KCTD8: variants seen among roughly 807,000 people sequenced by gnomAD.
KCTD8 encodes potassium channel tetramerization domain containing 8, also known as BTB/POZ domain-containing protein KCTD8.
In KCTD8, 27 loss-of-function variants were observed where a neutral mutation model predicts 31.5. The observed-to-expected ratio is 0.86, with a 90% CI of 0.63 to 1.18. The LOEUF (loss-of-function observed/expected upper bound fraction) is 1.18. Among genes scored for constraint, KCTD8 ranks in the 50% most tolerant of loss-of-function variants. The pLI, the probability that KCTD8 is intolerant of heterozygous loss-of-function variation, is 0.00. For synonymous variants in KCTD8, 290 were observed against 280.0 expected (o/e 1.04, Z -0.36); for missense variants, 658 against 647.7 (o/e 1.02, Z -0.17).
intron 1 of KCTD8, among the ~76,000 whole-genome samples, chr4:44,389,149 G>T (rs974397729): frequency 3.3e-5 from 5 of 151,682 alleles, no homozygotes; most frequent in African/African-American, 1.2e-4. Context: ...GATGTTGTAA[G>T]GAGGTAAGGA....
rs753718961 is a variant in KCTD8 at position 44,407,389 on chromosome 4, CTTTTTTTT to C, written c.961+40166_961+40173del. Among the ~76,000 whole-genome samples the C allele has an allele frequency of 5.0e-5, 7 of 140,978 alleles. No homozygotes were observed. The Admixed American group carries it at 5.0e-4, about 10-fold the overall frequency. The allele number at this position is 140,978 out of a possible 152,430, so 92.5% of individuals were successfully genotyped here. A position where few individuals can be genotyped will look rare whatever the true frequency, so the allele number is the denominator to read the frequency against. ...ATTAATTTTTCTTTTCTCTTTTTTTCTTTTTTTTTTTTTTGGAGATACAGTTTCACTCT... is the reference window on the plus strand; with the variant it reads ...ATTAATTTTTCTTTTCTCTTTTTTTCTTTTTTGGAGATACAGTTTCACTCT... On this transcript the variant is annotated intron_variant, in intron 1 of 1. Transcript: ENST00000360029.
intron 1 of KCTD8, among the ~76,000 whole-genome samples, chr4:44,322,571 T>C (rs1310079792): frequency 6.6e-6 from 1 of 152,094 alleles, no homozygotes; most frequent in Non-Finnish European, 1.5e-5. Flanking sequence ...TGTTTTTCCT[T>C]TGCTGTGCAT....
At chr4:44,263,755 A>G (rs1011549335) in intron 1 of KCTD8, among the ~76,000 whole-genome samples, 1 of 152,204 alleles carries the variant, frequency 6.6e-6, no homozygotes, top group African/African-American at 2.4e-5. Context: ...TGAATTTGCC[A>G]CTGAGATAGG....
At chr4:44,215,671 G>C in intron 1 of KCTD8, among the ~76,000 whole-genome samples, 1 of 152,118 alleles carries the variant, frequency 6.6e-6, no homozygotes, top group Non-Finnish European at 1.5e-5. Context: ...TCTGCATTGA[G>C]AACTAGTTAT....
intron 1 of KCTD8, among the ~76,000 whole-genome samples, chr4:44,377,455 G>T (rs553369494): frequency 1.7e-4 from 26 of 152,308 alleles, no homozygotes; most frequent in African/African-American, 6.3e-4. Flanking sequence ...CAGGCTCAAG[G>T]CCATTTCTGG....
At chr4:44,435,424 G>A (rs1330928408) in intron 1 of KCTD8, among the ~76,000 whole-genome samples, 2 of 151,820 alleles carry the variant, frequency 1.3e-5, no homozygotes, top group Non-Finnish European at 2.9e-5. Context: ...TTTTATTCTA[G>A]ACTCTAATAT....
chr4:44,317,208 G>T (rs1173946477), intron 1 of KCTD8, among the ~76,000 whole-genome samples: 2 of 129,256 alleles, frequency 1.5e-5, no homozygotes, highest in Admixed American at 7.9e-5. Flanking sequence ...ATTTGTTTAT[G>T]TATTGCCTAT....
intron 1 of KCTD8, among the ~76,000 whole-genome samples, chr4:44,344,703 T>C (rs1239479117): frequency 6.6e-6 from 1 of 152,214 alleles, no homozygotes; most frequent in Non-Finnish European, 1.5e-5. Context: ...TGTGGTATTC[T>C]GACATAATGG....
At chr4:44,372,565 T>G (rs982799117) in intron 1 of KCTD8, among the ~76,000 whole-genome samples, 1 of 152,202 alleles carries the variant, frequency 6.6e-6, no homozygotes, top group Non-Finnish European at 1.5e-5. Flanking sequence ...AAAAAGAGGA[T>G]GTCTTCTGAA....
chr4:44,187,075 G>T (rs552158728), intron 1 of KCTD8, among the ~76,000 whole-genome samples: 1 of 152,174 alleles, frequency 6.6e-6, no homozygotes, highest in Non-Finnish European at 1.5e-5. Context: ...GTCATAAGAA[G>T]AGCCTCACAG....
chr4:44,424,305 G>A (rs1256891891), intron 1 of KCTD8, among the ~76,000 whole-genome samples: 1 of 152,024 alleles, frequency 6.6e-6, no homozygotes, highest in South Asian at 2.1e-4. Flanking sequence ...GTCTCTATAC[G>A]TAGTATCAGG....
chr4:44,201,758 C>G (rs556561027), intron 1 of KCTD8, among the ~76,000 whole-genome samples: 3 of 152,056 alleles, frequency 2.0e-5, no homozygotes, highest in Admixed American at 1.3e-4. Context: ...TTTTTTAAGG[C>G]CCCCAAAGCA....
intron 1 of KCTD8, among the ~76,000 whole-genome samples, chr4:44,400,875 C>A (rs73247538): frequency 0.15 from 22,505 of 151,546 alleles, 1,855 homozygotes; most frequent in Non-Finnish European, 0.18. Flanking sequence ...GAGAGTCTGT[C>A]ATCCAGGCTG....
chr4:44,319,017 G>T (rs945995835), intron 1 of KCTD8, among the ~76,000 whole-genome samples: 4 of 152,150 alleles, frequency 2.6e-5, no homozygotes, highest in Non-Finnish European at 5.9e-5. Context: ...GGATGCGGAC[G>T]CAATCTAGAA....
At chr4:44,352,292 G>T (rs975768261) in intron 1 of KCTD8, among the ~76,000 whole-genome samples, 2 of 151,884 alleles carry the variant, frequency 1.3e-5, no homozygotes, top group Non-Finnish European at 2.9e-5. Flanking sequence ...TGTGATATAT[G>T]TGATGATGGT....
intron 1 of KCTD8, among the ~76,000 whole-genome samples, chr4:44,409,203 T>C (rs757697939): frequency 3.5e-5 from 5 of 141,308 alleles, no homozygotes; most frequent in Admixed American, 7.3e-5. Context: ...AGCTGGGCAA[T>C]AGAGTGAGAT....
chr4:44,362,604 A>G (rs1719527251), intron 1 of KCTD8, among the ~76,000 whole-genome samples: 1 of 152,072 alleles, frequency 6.6e-6, no homozygotes, highest in African/African-American at 2.4e-5. Flanking sequence ...TTATAAAAAT[A>G]GTCCAGGTGA....
chr4:44,212,280 CTA>C (rs1714510683), intron 1 of KCTD8, among the ~76,000 whole-genome samples: 1 of 152,200 alleles, frequency 6.6e-6, no homozygotes, highest in Admixed American at 6.5e-5. Flanking sequence ...ATACTCTACT[CTA>C]ATTATTCAAG....
At chr4:44,326,720 A>G (rs568577667) in intron 1 of KCTD8, among the ~76,000 whole-genome samples, 1 of 151,516 alleles carries the variant, frequency 6.6e-6, no homozygotes, top group Non-Finnish European at 1.5e-5. Context: ...TTGTTTGTCT[A>G]CTTAGGTTTT....
Sources: gnomAD v4.1 joint callset for allele counts (sites outside exome capture counted in the v4.1 genomes callset) on GRCh38, gnomAD v4.1.1 for gene constraint, MANE v1.5 for transcripts, NCBI Gene and HGNC (gene_info 2026-07-23, HGNC 2026-07-21) for gene names.